The following MXRA7 variants were observed in gnomAD, a reference collection of about 807,000 sequenced individuals.
MXRA7 encodes the protein matrix-remodeling-associated protein 7.
In MXRA7, 18 loss-of-function variants were observed where a neutral mutation model predicts 17.4. The observed-to-expected ratio is 1.03, with a 90% CI of 0.71 to 1.53. MXRA7 has a LOEUF of 1.53. Ranked by LOEUF, MXRA7 falls within the 40% of genes most tolerant of loss-of-function variation. The pLI is 0.00. For synonymous variants in MXRA7, 70 were observed against 101.7 expected (o/e 0.69, Z 1.87); for missense variants, 141 against 209.3 (o/e 0.67, Z 2.01).
intron 3 of MXRA7, chr17:76,683,760 G>C (rs919018711): frequency 3.8e-5 from 33 of 873,484 alleles, no homozygotes; most frequent in Non-Finnish European, 1.4e-5. Context: ...TGGAGGAGGG[G>C]AGGTTGAGGC....
At position 76,701,345 on chromosome 17, in the gene MXRA7, G is replaced by A. The variant is rs530561212; in HGVS notation, c.342+9260C>T. ...GGACATGTCTGGGCTTTTGGTCTGA[G>A]CAGCTGAGCGTCGGGGGGGTGGATC... On this transcript the variant is annotated intron_variant, in intron 1 of 3. Coordinates refer to ENST00000449428, the MANE Select transcript of MXRA7 (RefSeq NM_198530.4). Among the ~76,000 whole-genome samples, 141 of 148,892 alleles carry A rather than the reference G, an allele frequency of 9.5e-4. 1 individual carries two copies. The highest frequency in any genetic ancestry group is 7.0e-3 in the Admixed American group (104 of 14,850).
intron 1 of MXRA7, among the ~76,000 whole-genome samples, chr17:76,706,897 C>T (rs2076668110): frequency 6.6e-6 from 1 of 152,188 alleles, no homozygotes; most frequent in South Asian, 2.1e-4. Context: ...CAATGGTTAA[C>T]ATTTTGCCAT....
intron 1 of MXRA7, among the ~76,000 whole-genome samples, chr17:76,706,089 A>G (rs1300317818): frequency 6.6e-6 from 1 of 152,022 alleles, no homozygotes; most frequent in Admixed American, 6.5e-5. Flanking sequence ...CACTGCCATC[A>G]CAAAGGCCCA....
rs112986190 is a variant in MXRA7, at chr17:76,701,740, G to A, written c.342+8865C>T. On this transcript the variant is annotated intron_variant, in intron 1 of 3. Coordinates refer to ENST00000449428, the MANE Select transcript of MXRA7 (RefSeq NM_198530.4). ...TTCCTGCGAGGAGCCGACCCCATCC[G>A]GGCCCCAACCCCTGCCCAGGGCCGA... Among the ~76,000 whole-genome samples, 455 of 152,206 alleles carry A rather than the reference G, an allele frequency of 3.0e-3. 2 individuals are homozygous for A. Among genetic ancestry groups the A allele is most frequent in the African/African-American group, 0.011 (440 of 41,514 alleles).
chr17:76,683,515 C>T (rs9892163), intron 3 of MXRA7, among the ~76,000 whole-genome samples: 95,407 of 152,072 alleles, frequency 0.63, 34,148 homozygotes, highest in Non-Finnish European at 0.81. Flanking sequence ...TGCAGGGTGA[C>T]GACATCCACA....
rs528467421 is a variant in MXRA7 at position 76,681,785 on chromosome 17, A to G, written c.501-906T>C. On this transcript the variant is annotated intron_variant, in intron 3 of 3. Coordinates refer to ENST00000449428, the MANE Select transcript of MXRA7 (RefSeq NM_198530.4). This position sits in a 1 kb window ranked among gnomAD's most constrained non-coding sequence, Gnocchi z 4.7. Reference sequence around the variant, plus strand: ...CTTTCTCCTGCCAAGCTGTGAAGCCAGCCAAGCCCTGCCAGCTTCCCTAGC... The same window carrying G: ...CTTTCTCCTGCCAAGCTGTGAAGCCGGCCAAGCCCTGCCAGCTTCCCTAGC... Among the ~76,000 whole-genome samples the G allele has an allele frequency of 6.6e-6, 1 of 152,212 alleles. No individual in the cohort carries two copies. The highest frequency in any genetic ancestry group is 1.5e-5 in the Non-Finnish European group (1 of 68,028).
In MXRA7 at chr17:76,710,586, C is replaced by T. The variant is rs1369703105; in HGVS notation, c.342+19G>A. 10 of 1,297,386 alleles carry T rather than the reference C, an allele frequency of 7.7e-6. No individual in the cohort carries two copies. Among genetic ancestry groups the T allele is most frequent in the Non-Finnish European group, 9.8e-6 (10 of 1,022,536 alleles). The allele number at this position is 1,297,386 out of a possible 1,614,324, so 80.4% of individuals were successfully genotyped here. Reference sequence around the variant, plus strand: ...AGCCCCGGGGGTGGGGAGGGGGCCGCGAGGGCCCCGGTGCGTACCTGCCTC... The same window carrying T: ...AGCCCCGGGGGTGGGGAGGGGGCCGTGAGGGCCCCGGTGCGTACCTGCCTC... On this transcript the variant is annotated intron_variant, in intron 1 of 3. Transcript: ENST00000449428.
chr17:76,706,400 C>T (rs951006789), intron 1 of MXRA7, among the ~76,000 whole-genome samples: 1 of 149,592 alleles, frequency 6.7e-6, no homozygotes, highest in Non-Finnish European at 1.5e-5. Context: ...CCCACGCTGC[C>T]GTCACAGAGG....
At chr17:76,683,640 C>G (rs1287722625) in intron 3 of MXRA7, among the ~76,000 whole-genome samples, 2 of 152,222 alleles carry the variant, frequency 1.3e-5, no homozygotes, top group Admixed American at 1.3e-4. Flanking sequence ...CTTAACTCCC[C>G]TCCAGGAACC....
chr17:76,676,899 T>G (rs928221649), downstream of MXRA7: 1 of 147,918 alleles, frequency 6.8e-6, no homozygotes, highest in Non-Finnish European at 1.5e-5. Context: ...CAGTGAGACC[T>G]CGTCTCAAAA....
chr17:76,709,595 A>C (rs1169734712), intron 1 of MXRA7: 1 of 153,146 alleles, frequency 6.5e-6, no homozygotes, highest in Non-Finnish European at 1.5e-5. Context: ...CACAGGACAG[A>C]GTGGGCACGC....
At chr17:76,689,230 C>G (rs551789583) in intron 1 of MXRA7, 1 of 152,216 alleles carries the variant, frequency 6.6e-6, no homozygotes, top group African/African-American at 2.4e-5. Context: ...GCTGGGATTA[C>G]GGGCGCCCGC....
chr17:76,673,300 C>G (rs1253821769), exon 4 of MXRA7: 1 of 152,220 alleles, frequency 6.6e-6, no homozygotes, highest in African/African-American at 2.4e-5. Flanking sequence ...TAGGAAACCT[C>G]CTCATCTGCC....
At chr17:76,689,630 C>T (rs999325945) in intron 1 of MXRA7, 1 of 152,166 alleles carries the variant, frequency 6.6e-6, no homozygotes, top group East Asian at 1.9e-4. Flanking sequence ...ACACAGCAAA[C>T]CCACTTCTAG....
intron 1 of MXRA7, among the ~76,000 whole-genome samples, chr17:76,692,906 A>C (rs2076492545): frequency 2.0e-5 from 3 of 152,242 alleles, no homozygotes; most frequent in Non-Finnish European, 4.4e-5. Flanking sequence ...CCAGGTTCCA[A>C]AGAACTGGAT....
chr17:76,699,942 T>C (rs1257433140), intron 1 of MXRA7, among the ~76,000 whole-genome samples: 1 of 152,128 alleles, frequency 6.6e-6, no homozygotes, highest in African/African-American at 2.4e-5. Context: ...AGGGATCCAG[T>C]GTTTTATTAT....
intron 1 of MXRA7, 36 bp downstream of exon 1, chr17:76,710,569 G>T (rs1598367188): frequency 1.6e-6 from 2 of 1,259,244 alleles, no homozygotes; most frequent in Non-Finnish European, 2.0e-6. Flanking sequence ...GGAGCCCCGG[G>T]GGTGGGGAGG....
At chr17:76,708,155 C>A (rs2076682108) in intron 1 of MXRA7, among the ~76,000 whole-genome samples, 1 of 152,244 alleles carries the variant, frequency 6.6e-6, no homozygotes, top group South Asian at 2.1e-4. Flanking sequence ...CCTGAGCGAT[C>A]CCCAATAGCA....
chr17:76,696,315 T>C (rs2076532293), intron 1 of MXRA7, among the ~76,000 whole-genome samples: 1 of 151,768 alleles, frequency 6.6e-6, no homozygotes, highest in South Asian at 2.1e-4. Flanking sequence ...ATGCCAGGGG[T>C]TTGAGACCAA....
Sources: allele counts gnomAD v4.1 joint callset (sites outside exome capture counted in the v4.1 genomes callset), GRCh38; gene constraint gnomAD v4.1.1; non-coding constraint Gnocchi (gnomAD v3.1); transcripts MANE v1.5; gene names NCBI Gene and HGNC (gene_info 2026-07-23, HGNC 2026-07-21).